TTN: variants seen among roughly 807,000 people sequenced by gnomAD.
TTN encodes the protein connectin.
TTN carries 1,525 observed loss-of-function variants against 3,223.0 expected under a neutral mutation model. That is an observed-to-expected ratio of 0.47 (90% CI 0.45 to 0.49). The LOEUF (loss-of-function observed/expected upper bound fraction) is 0.49, where lower values mean the gene tolerates loss of function less well. Among genes scored for constraint, TTN ranks in the 20% least tolerant of loss-of-function variants. The probability of loss-of-function intolerance (pLI) is 0.00; values close to 1 mark genes in which losing one functional copy is unlikely to be tolerated. For missense variants in TTN, 40,786 were observed against 43,424.0 expected (o/e 0.94, Z 5.40); for synonymous variants, 14,094 against 15,161.0 (o/e 0.93, Z 5.17).
At chr2:178,682,994 G>T in intron 134 of TTN, 91 bp from the exon 135 acceptor site, 1 of 1,305,434 alleles carries the variant, frequency 7.7e-7, no homozygotes, top group Non-Finnish European at 1.1e-6. Context: ...TTATTCTTTT[G>T]CGTTTGTTTC....
rs1708062798 is a variant in TTN, at chr2:178,571,200, C to G, written c.74932G>C (p.Glu24978Gln). Residue 24978 changes from glutamate to glutamine, a missense_variant, in exon 326 of 363, where the codon GAA becomes CAA. Glu to Gln is a conservative substitution (Grantham distance 29, BLOSUM62 2). Coordinates refer to ENST00000589042, the MANE Select transcript of TTN (RefSeq NM_001267550.2). ...TCTGCAGAGACTCTAAATTCATATT[C>G]AACACCTTCTTCAAGGCCAGTTGTC... is the stretch of plus-strand genomic sequence containing the variant. ...FKTTGLEEGV[E>Q]YEFRVSAENI... 6.2e-7 allele frequency: 1 copy of G among 1,613,548 alleles called. No individual in the cohort carries two copies. The highest frequency in any genetic ancestry group is 8.5e-7 in the Non-Finnish European group (1 of 1,179,640).
intron 47 of TTN, chr2:178,746,872 T>C (rs768729804): frequency 1.2e-6 from 2 of 1,613,532 alleles, no homozygotes; most frequent in South Asian, 2.2e-5. Flanking sequence ...CATTGTCTTT[T>C]GGCTCAATGG....
At chr2:178,706,342 T>C (rs1305896836) in intron 102 of TTN, 112 bp downstream of exon 102, 1 of 1,159,286 alleles carries the variant, frequency 8.6e-7, no homozygotes, top group Non-Finnish European at 1.2e-6. Context: ...TTTATTTGTA[T>C]TTTTAAATTT....
At chr2:178,689,017 T>A in intron 125 of TTN, 36 bp downstream of exon 125, 2 of 1,475,174 alleles carry the variant, frequency 1.4e-6, no homozygotes, top group Non-Finnish European at 1.8e-6. Context: ...TTTTTTTTTT[T>A]TTTTTTTTTT....
At position 178,611,909 on chromosome 2, in the gene TTN, T is replaced by A. The variant is rs794729239; in HGVS notation, c.50400A>T (p.Lys16800Asn). Reference sequence around the variant, plus strand: ...AGTCAGGTCCTGCAGTCTTTCCAGCTTTCACCCAACGGGTACCTAACCTTT... The same window carrying A: ...AGTCAGGTCCTGCAGTCTTTCCAGCATTCACCCAACGGGTACCTAACCTTT... ...KKERLGTRWV[K>N]AGKTAGPDCN... The change falls in exon 268 of 363, where the codon AAA becomes AAT. Residue 16800 changes from lysine to asparagine, a missense_variant. Transcript: ENST00000589042. 7 of 1,612,572 alleles carry A rather than the reference T, an allele frequency of 4.3e-6. No individual in the cohort carries two copies. In the African/African-American group the frequency reaches 5.3e-5, roughly 12 times the overall value.
intron 361 of TTN, 41 bp downstream of exon 361, chr2:178,528,233 G>C (rs1687379744): frequency 6.3e-7 from 1 of 1,579,926 alleles, no homozygotes; most frequent in Non-Finnish European, 8.6e-7. Flanking sequence ...ACGATCTAAA[G>C]GCCTTAAACA....
At position 178,603,858 on chromosome 2, in the gene TTN, A is replaced by G; in HGVS notation, c.54811+18T>C. The G allele has an allele frequency of 6.6e-7, 1 of 1,523,274 alleles. No individual in the cohort carries two copies. The highest frequency in any genetic ancestry group is 8.9e-7 in the Non-Finnish European group (1 of 1,124,206). 94.4% of individuals were successfully genotyped at this position (1,523,274 alleles called of 1,614,324 possible). Reference sequence around the variant, plus strand: ...TTGTGCTTTAGAAATTAGTCCCCAGAAACGGAAGCATACTTACATATGGGA... The same window carrying G: ...TTGTGCTTTAGAAATTAGTCCCCAGGAACGGAAGCATACTTACATATGGGA... On this transcript the variant is annotated intron_variant, in intron 282 of 362. Coordinates refer to ENST00000589042, the MANE Select transcript of TTN (RefSeq NM_001267550.2).
rs773116614 is a variant in TTN at position 178,719,594 on chromosome 2, A to G, written c.23898T>C (p.Ser7966=). ...KGLYSFEVKN[S]VGKSNCTVSV... is the part of the protein sequence containing the mutation. Reference sequence around the variant, plus strand: ...ATACAGTGCAGTTACTTTTGCCAACACTGTTTTTCACTTCAAAGCTATATA... The same window carrying G: ...ATACAGTGCAGTTACTTTTGCCAACGCTGTTTTTCACTTCAAAGCTATATA... Residue 7966 remains serine, a synonymous_variant, in exon 82 of 363, where the codon AGT becomes AGC. Transcript: ENST00000589042. 8 of 1,612,030 alleles carry G rather than the reference A, an allele frequency of 5.0e-6. No homozygotes were observed. The highest frequency in any genetic ancestry group is 5.9e-6 in the Non-Finnish European group (7 of 1,178,404).
chr2:178,702,150 C>T lies in TTN; in HGVS notation c.30511+18G>A. ...GTTTCGAAGATGGCAGGGTGGCTTTCTGATGGCGCTACCTCACCTTTCGTC... is the reference window on the plus strand; with the variant it reads ...GTTTCGAAGATGGCAGGGTGGCTTTTTGATGGCGCTACCTCACCTTTCGTC... On this transcript the variant is annotated intron_variant, in intron 108 of 362. Transcript: ENST00000589042. 1 of 1,613,766 alleles carries T rather than the reference C, an allele frequency of 6.2e-7. No homozygotes were observed. The highest frequency in any genetic ancestry group is 8.5e-7 in the Non-Finnish European group (1 of 1,179,740).
Position 178,585,106 on chromosome 2 carries a change from C to T in TTN, c.64638G>A (p.Gly21546=). ...CAACTTTGATTTTCTGAGTGTCTGT[C>T]CCAGAACTGTTCTCTGCTGTGAGGC... ...YYSLTAENSS[G]TDTQKIKVVV... Residue 21546 remains glycine (G), a synonymous_variant, in exon 309 of 363, where the codon GGG becomes GGA. Coordinates refer to ENST00000589042, the MANE Select transcript of TTN (RefSeq NM_001267550.2). The T allele has an allele frequency of 6.2e-7, 1 of 1,611,698 alleles. No homozygotes were observed. The highest frequency in any genetic ancestry group is 8.5e-7 in the Non-Finnish European group (1 of 1,178,546).
chr2:178,607,217 T>G lies in TTN; in HGVS notation c.53385A>C (p.Glu17795Asp), dbSNP rs1447853975. 1 of 1,612,912 alleles carries G rather than the reference T, an allele frequency of 6.2e-7. No individual in the cohort carries two copies. The highest frequency in any genetic ancestry group is 8.5e-7 in the Non-Finnish European group (1 of 1,179,332). ...WSDPEDDGGS[E>D]ITGFIIERKD... The stretch of plus-strand genomic sequence containing the variant: ...TTCTTTCAATGATAAAGCCTGTTAT[T>G]TCACTTCCTCCATCATCTTCTGGAT... The change falls in exon 278 of 363, where the codon GAA becomes GAC. Residue 17795 changes from glutamate to aspartate, a missense_variant. Glu to Asp is a conservative substitution (Grantham distance 45). Transcript: ENST00000589042.
Position 178,604,972 on chromosome 2 carries a change from A to G in TTN, c.54190+15T>C. The G allele has an allele frequency of 2.5e-6, 4 of 1,588,786 alleles. No individual in the cohort carries two copies. Among genetic ancestry groups the G allele is most frequent in the South Asian group, 1.1e-5 (1 of 87,238 alleles). Reference sequence around the variant, plus strand: ...CACTGGATGCCTTTTTGATGTAAGAAAGCAAGTCACTTACCATATACTTCA... The same window carrying G: ...CACTGGATGCCTTTTTGATGTAAGAGAGCAAGTCACTTACCATATACTTCA... On this transcript the variant is annotated intron_variant, in intron 280 of 362. Transcript: ENST00000589042.
Position 178,569,358 on chromosome 2 carries a change from C to T in TTN, c.76774G>A (p.Ala25592Thr). The change falls in exon 326 of 363, where the codon GCC (alanine) becomes ACC (threonine). Residue 25592 changes from alanine (A) to threonine (T), a missense_variant. Ala to Thr is a moderately conservative substitution (Grantham distance 58). Coordinates refer to ENST00000589042, the MANE Select transcript of TTN (RefSeq NM_001267550.2). ...TCCAGAACTCTCACAGTAACAAAGGCAGACTTTGTTCCACTGCTGTTTTCT... is the reference window on the plus strand; with the variant it reads ...TCCAGAACTCTCACAGTAACAAAGGTAGACTTTGTTCCACTGCTGTTTTCT... ...TLENSSGTKS[A>T]FVTVRVLDTP... 1.2e-6 allele frequency: 2 copies of T among 1,613,418 alleles called. No homozygotes were observed. The highest frequency in any genetic ancestry group is 4.5e-5 in the East Asian group (2 of 44,842).
At position 178,568,900 on chromosome 2, in the gene TTN, T is replaced by C; in HGVS notation, c.77232A>G (p.Lys25744=). ...IVEMQAKHSE[K]WSECARVKSL... is the part of the protein sequence containing the mutation. ...ACTTTACTCGAGCACACTCTGACCA[T>C]TTCTCACTGTGTTTAGCTTGCATTT... The change falls in exon 326 of 363, where the codon AAA becomes AAG. Residue 25744 remains lysine (K), a synonymous_variant. Transcript: ENST00000589042. The C allele has an allele frequency of 6.2e-7, 1 of 1,613,288 alleles. No homozygotes were observed. Among genetic ancestry groups the C allele is most frequent in the East Asian group, 2.2e-5 (1 of 44,828 alleles).
rs769468695 is a variant in TTN, at chr2:178,651,352, A to G, written c.39548-32T>C. On this transcript the variant is annotated intron_variant, in intron 207 of 362. Coordinates refer to ENST00000589042, the MANE Select transcript of TTN (RefSeq NM_001267550.2). ...ATATATTAGTATTTTAACATTAGAAACAATCACCAGTAAACATTCATCACA... is the reference window on the plus strand; with the variant it reads ...ATATATTAGTATTTTAACATTAGAAGCAATCACCAGTAAACATTCATCACA... 1.9e-6 allele frequency: 3 copies of G among 1,608,990 alleles called. No homozygotes were observed. The East Asian group carries it at 6.7e-5, about 36-fold the overall frequency.
chr2:178,712,193 GCTCCAA>G lies in TTN; in HGVS notation c.27631_27636del (p.Leu9211_Glu9212del), dbSNP rs773852955. The G allele has an allele frequency of 6.2e-6, 10 of 1,613,416 alleles. No homozygotes were observed. Among genetic ancestry groups the G allele is most frequent in the African/African-American group, 2.7e-5 (2 of 75,004 alleles). On this transcript the variant is annotated inframe_deletion, in exon 96 of 363. Transcript: ENST00000589042. ...GAATCTCCAACAGACACCTTAACCGGCTCCAACTGCTTGACAAAATACGGTGGTTCT... is the reference window on the plus strand; with the variant it reads ...GAATCTCCAACAGACACCTTAACCGGCTGCTTGACAAAATACGGTGGTTCT...
rs140531141 is a variant in TTN at position 178,551,953 on chromosome 2, A to G, written c.90947T>C (p.Ile30316Thr). Reference sequence around the variant, plus strand: ...AATCCTGAACTGGTGTTTTGCCACAATAATGCTTGAGACAAGTGGTTGGCT... The same window carrying G: ...AATCCTGAACTGGTGTTTTGCCACAGTAATGCTTGAGACAAGTGGTTGGCT... ...GVSQPLVSSI[I>T]VAKHQFRIPG... The change falls in exon 335 of 363, where the codon ATT (isoleucine) becomes ACT (threonine). Residue 30316 changes from isoleucine to threonine, a missense_variant. Transcript: ENST00000589042. 7 of 1,612,792 alleles carry G rather than the reference A, an allele frequency of 4.3e-6. No homozygotes were observed. In the East Asian group the frequency reaches 8.9e-5, roughly 21 times the overall value.
chr2:178,750,168 G>T, intron 47 of TTN: 2 of 1,613,148 alleles, frequency 1.2e-6, no homozygotes. Flanking sequence ...AGATTTGTTT[G>T]GCCCTCTTGA....
At chr2:178,700,815 C>T (rs2074825199) in intron 111 of TTN, among the ~76,000 whole-genome samples, 1 of 149,634 alleles carries the variant, frequency 6.7e-6, no homozygotes, top group South Asian at 2.1e-4. Context: ...TTCCATTATT[C>T]TTTTTGTTAT....
Sources: allele counts gnomAD v4.1 joint callset (sites outside exome capture counted in the v4.1 genomes callset), GRCh38; gene constraint gnomAD v4.1.1; transcripts MANE v1.5; gene names NCBI Gene and HGNC (gene_info 2026-07-23, HGNC 2026-07-21).